The following FAT2 variants were observed in gnomAD, a reference collection of about 807,000 sequenced individuals.
FAT2 encodes the protein FAT atypical cadherin 2.
In FAT2, 150 loss-of-function variants were observed where a neutral mutation model predicts 295.3. The ratio of observed to expected loss-of-function variants is 0.51; its 90% CI spans 0.44 to 0.58. The LOEUF is 0.58. Among genes scored for constraint, FAT2 ranks in the 20% least tolerant of loss-of-function variants. The pLI, the probability that FAT2 is intolerant of heterozygous loss-of-function variation, is 0.00. For synonymous variants in FAT2, 2,026 were observed against 2,150.3 expected (o/e 0.94, Z 1.60); for missense variants, 4,868 against 5,442.7 (o/e 0.89, Z 3.32).
chr5:151,527,075 A>G (rs959288187), intron 17 of FAT2, among the ~76,000 whole-genome samples, 159 bp downstream of exon 17: 5 of 152,228 alleles, frequency 3.3e-5, no homozygotes, highest in African/African-American at 9.6e-5. Flanking sequence ...ATTCCCTTCA[A>G]TTCTATAATG....
intron 3 of FAT2, among the ~76,000 whole-genome samples, chr5:151,563,045 T>C (rs753846119): frequency 2.6e-5 from 4 of 152,160 alleles, no homozygotes; most frequent in Non-Finnish European, 5.9e-5. Flanking sequence ...GAAAGAAACA[T>C]GAAGACAGAT....
rs745987151 is a variant in FAT2, at chr5:151,534,555, G to A, written c.9281C>T (p.Ser3094Leu). ...ATGGAGGGTGATGTCTGCCTGGCAC[G>A]ATCGGCCACCTCCATCCGTCGCCTT... ...VAKATDGGGR[S>L]CQADITLHVE... Residue 3094 changes from serine to leucine, a missense_variant, in exon 13 of 24, where the codon TCG becomes TTG. Physicochemically the swap from Ser to Leu is moderately radical, Grantham distance 145. Around this residue, in one of 5 missense-constraint regions of FAT2, gnomAD observed 1,046 missense variants for 1,210.1 expected, o/e 0.86. Transcript: ENST00000261800. 24 of 1,613,946 alleles carry A rather than the reference G, an allele frequency of 1.5e-5. No homozygotes were observed. Among genetic ancestry groups the A allele is most frequent in the Middle Eastern group, 1.6e-4 (1 of 6,082 alleles).
chr5:151,517,525 G>A (rs893721177), intron 20 of FAT2, 95 bp downstream of exon 20: 4 of 1,450,544 alleles, frequency 2.8e-6, no homozygotes, highest in African/African-American at 2.8e-5. Context: ...GATTTCTTTG[G>A]CAGAAATGGG....
chr5:151,556,224 A>AC (rs1262666283), intron 4 of FAT2, 120 bp downstream of exon 4: 1 of 789,408 alleles, frequency 1.3e-6, no homozygotes, highest in Non-Finnish European at 2.2e-6. Flanking sequence ...GGTTCAGCTC[A>AC]CGTATATCTT....
intron 12 of FAT2, among the ~76,000 whole-genome samples, chr5:151,536,407 C>A (rs1755292452): frequency 6.6e-6 from 1 of 152,172 alleles, no homozygotes; most frequent in South Asian, 2.1e-4. Flanking sequence ...CCACCCCCTG[C>A]TCAGGTATCT....
chr5:151,521,249 C>T lies in FAT2; in HGVS notation c.11317+27G>A, dbSNP rs140600228. The T allele has an allele frequency of 1.7e-4, 260 of 1,568,862 alleles. No homozygotes were observed. The African/African-American group carries it at 2.6e-3, about 16-fold the overall frequency. On this transcript the variant is annotated intron_variant, in intron 19 of 23. Transcript: ENST00000261800. ...GCGGGCTGAGCCCAGCAGTGCTGCT[C>T]GTCCCTAGGGAAGATGTAGTACTTA... is the stretch of plus-strand genomic sequence containing the variant.
chr5:151,516,220 T>C (rs1752848367), intron 20 of FAT2, among the ~76,000 whole-genome samples: 1 of 152,136 alleles, frequency 6.6e-6, no homozygotes, highest in Admixed American at 6.5e-5. Flanking sequence ...ATTGTAAAAT[T>C]GTAACTCCGG....
At chr5:151,546,720 T>G (rs1756675517) in intron 9 of FAT2, among the ~76,000 whole-genome samples, 3 of 151,948 alleles carry the variant, frequency 2.0e-5, no homozygotes, top group African/African-American at 7.2e-5. Context: ...ATCTTTTGTA[T>G]AACTTTTTTT....
chr5:151,526,121 G>T (rs541071974), intron 17 of FAT2, among the ~76,000 whole-genome samples, 156 bp from the exon 18 acceptor site: 1 of 152,322 alleles, frequency 6.6e-6, no homozygotes, highest in South Asian at 2.1e-4. Flanking sequence ...CATTCTGCCT[G>T]CCTTTGAGGT....
intron 12 of FAT2, among the ~76,000 whole-genome samples, chr5:151,535,162 G>A (rs1295026551): frequency 6.6e-6 from 1 of 151,854 alleles, no homozygotes; most frequent in East Asian, 1.9e-4. Flanking sequence ...AACACCATGT[G>A]TGGTGTTATA....
chr5:151,550,141 A>C (rs1757046733), intron 8 of FAT2, among the ~76,000 whole-genome samples: 1 of 152,184 alleles, frequency 6.6e-6, no homozygotes, highest in South Asian at 2.1e-4. Context: ...AAATTTAAAG[A>C]GGCTCTGACT....
upstream of FAT2, among the ~76,000 whole-genome samples, chr5:151,591,338 CAGG>C (rs951804695): frequency 3.9e-5 from 6 of 152,080 alleles, no homozygotes; most frequent in Middle Eastern, 3.4e-3. Flanking sequence ...TGTCCCAGCC[CAGG>C]AGGAGGAGGA....
chr5:151,550,978 C>T, intron 7 of FAT2, 107 bp from the exon 8 acceptor site: 1 of 901,158 alleles, frequency 1.1e-6, no homozygotes, highest in South Asian at 1.7e-5. Flanking sequence ...GTGCCTGGCA[C>T]TCAGCAATCA....
chr5:151,582,966 C>A (rs1541910), intron 1 of FAT2, among the ~76,000 whole-genome samples: 62,301 of 151,778 alleles, frequency 0.41, 13,351 homozygotes, highest in Non-Finnish European at 0.48. Context: ...TCATGCCTAA[C>A]TTTATCACCT....
At chr5:151,594,326 G>A (rs1382621292), upstream of FAT2, among the ~76,000 whole-genome samples, 3 of 152,118 alleles carry the variant, frequency 2.0e-5, no homozygotes, top group Admixed American at 1.3e-4. Context: ...TACTCTATTG[G>A]AAGTTCCTCA....
Position 151,512,781 on chromosome 5 carries a change from AT to A in FAT2, c.11464-176del. 1.6e-6 allele frequency: 1 copy of A among 629,406 alleles called. No homozygotes were observed. The highest frequency in any genetic ancestry group is 2.8e-6 in the Non-Finnish European group (1 of 362,016). 39.0% of individuals were successfully genotyped at this position (629,406 alleles called of 1,614,324 possible). A position where few individuals can be genotyped will look rare whatever the true frequency, so the allele number is the denominator to read the frequency against. On this transcript the variant is annotated intron_variant, in intron 20 of 23. Transcript: ENST00000261800. The surrounding 1 kb of genome is among the most constrained non-coding windows in gnomAD (Gnocchi z 4.1). ...AAACCCTCAAAGTGCTTTTGTGTTGATGGTCTCCTTTGTTCTCACCACACCC... is the reference window on the plus strand; with the variant it reads ...AAACCCTCAAAGTGCTTTTGTGTTGAGGTCTCCTTTGTTCTCACCACACCC...
In FAT2 at chr5:151,553,365, T is replaced by C. The variant is rs1757388910; in HGVS notation, c.3968A>G (p.Gln1323Arg). The change falls in exon 6 of 24, where the codon CAG becomes CGG. Residue 1323 changes from glutamine (Q) to arginine (R), a missense_variant. By Grantham distance (43) the Gln-to-Arg change is conservative. Transcript: ENST00000261800. ...ILTIKATDSG[Q>R]PPLSASVRLH... ...CCGGACACTGGCTGAGAGTGGTGGCTGCCCACTGTCTGTTGCCTTGATCTG... is the reference window on the plus strand; with the variant it reads ...CCGGACACTGGCTGAGAGTGGTGGCCGCCCACTGTCTGTTGCCTTGATCTG... 1.9e-6 allele frequency: 3 copies of C among 1,614,230 alleles called. No individual in the cohort carries two copies. Among genetic ancestry groups the C allele is most frequent in the Non-Finnish European group, 2.5e-6 (3 of 1,180,042 alleles).
chr5:151,592,046 T>A (rs1006392598), upstream of FAT2, among the ~76,000 whole-genome samples: 1 of 152,188 alleles, frequency 6.6e-6, no homozygotes, highest in Admixed American at 6.5e-5. Context: ...GTTGTACAGA[T>A]TCATGAGACC....
intron 1 of FAT2, among the ~76,000 whole-genome samples, chr5:151,579,392 C>T (rs565607163): frequency 3.9e-5 from 6 of 151,974 alleles, no homozygotes; most frequent in African/African-American, 7.3e-5. Context: ...GGCAACATAT[C>T]GAGATCCCAT....
Sources: gnomAD v4.1 joint callset for allele counts (sites outside exome capture counted in the v4.1 genomes callset) on GRCh38, gnomAD v4.1.1 for gene constraint, gnomAD v4.1.1 regional missense constraint, Gnocchi (gnomAD v3.1) non-coding constraint, MANE v1.5 for transcripts, NCBI Gene and HGNC (gene_info 2026-07-23, HGNC 2026-07-21) for gene names.